Variants in FAM81B observed in about 807,000 individuals in gnomAD.
The protein encoded by FAM81B is family with sequence similarity 81 member B.
Under a neutral mutation model 58.7 loss-of-function variants are expected in FAM81B, and 60 were observed. The observed-to-expected ratio is 1.02, with a 90% CI of 0.83 to 1.27. FAM81B has a LOEUF of 1.27. Ranked by LOEUF, FAM81B falls within the 50% of genes most tolerant of loss-of-function variation. The pLI is 0.00. For missense variants in FAM81B, 491 were observed against 522.0 expected, an observed-to-expected ratio of 0.94 and a Z score of 0.58; for synonymous variants, 189 against 179.6, an observed-to-expected ratio of 1.05 and a Z score of -0.42.
At chr5:95,417,770 G>A (rs1326563546) in intron 4 of FAM81B, among the ~76,000 whole-genome samples, 1 of 152,114 alleles carries the variant, frequency 6.6e-6, no homozygotes, top group Non-Finnish European at 1.5e-5. Flanking sequence ...AGATGACACT[G>A]TACACAAAGA....
At chr5:95,422,809 A>G (rs1280423872) in intron 5 of FAM81B, among the ~76,000 whole-genome samples, 1 of 152,242 alleles carries the variant, frequency 6.6e-6, no homozygotes, top group Admixed American at 6.5e-5. Context: ...ATGGATCTCA[A>G]AGAAACTAAG....
At chr5:95,448,800 T>C (rs1396190942) in intron 9 of FAM81B, 2 of 443,938 alleles carry the variant, frequency 4.5e-6, no homozygotes, top group African/African-American at 4.1e-5. Context: ...CTTGTGGGTA[T>C]GTTATGAAAT....
intron 8 of FAM81B, 113 bp downstream of exon 8, chr5:95,446,810 A>T: frequency 7.1e-7 from 1 of 1,403,952 alleles, no homozygotes; most frequent in Non-Finnish European, 9.7e-7. Context: ...CTGCTTCAGT[A>T]ACTTTTTTTT....
intron 4 of FAM81B, 55 bp from the exon 5 acceptor site, chr5:95,420,224 ATGATG>A (rs1762641010): frequency 6.2e-7 from 1 of 1,605,278 alleles, no homozygotes; most frequent in East Asian, 2.2e-5. Context: ...CCTGCTTTAA[ATGATG>A]TTTCCTTATC....
At chr5:95,428,181 A>G (rs1337744379) in intron 5 of FAM81B, among the ~76,000 whole-genome samples, 1 of 152,194 alleles carries the variant, frequency 6.6e-6, no homozygotes, top group Admixed American at 6.5e-5. Context: ...GGGCCAAGAA[A>G]AGAGGATAAA....
chr5:95,412,813 G>C (rs1182956191), intron 3 of FAM81B, among the ~76,000 whole-genome samples: 1 of 152,096 alleles, frequency 6.6e-6, no homozygotes, highest in Non-Finnish European at 1.5e-5. Context: ...GATCCAACTG[G>C]GGCATGATGG....
At position 95,391,499 on chromosome 5, in the gene FAM81B, G is replaced by A. The variant is rs1311202075; in HGVS notation, c.110G>A (p.Ser37Asn). The A allele has an allele frequency of 6.2e-7, 1 of 1,613,450 alleles. No individual in the cohort carries two copies. Among genetic ancestry groups the A allele is most frequent in the Non-Finnish European group, 8.5e-7 (1 of 1,179,668 alleles). ...KSTKNKAGKA[S>N]IMSSDTNVNK... ...ACAAAAAATAAAGCTGGAAAAGCAA[G>A]CATCATGAGTTCAGGTACTTATGGA... is the stretch of plus-strand genomic sequence containing the variant. The change falls in exon 1 of 10, where the codon AGC becomes AAC. Residue 37 changes from serine (S) to asparagine (N), a missense_variant. By Grantham distance (46) the Ser-to-Asn change is conservative. Transcript: ENST00000283357.
At chr5:95,433,041 G>A (rs1417873836) in intron 6 of FAM81B, among the ~76,000 whole-genome samples, 1 of 152,008 alleles carries the variant, frequency 6.6e-6, no homozygotes, top group Non-Finnish European at 1.5e-5. Context: ...ATATCCCCCG[G>A]AGTTTAACAT....
chr5:95,410,589 C>A (rs1639507125), intron 3 of FAM81B, among the ~76,000 whole-genome samples: 1 of 152,018 alleles, frequency 6.6e-6, no homozygotes, highest in Non-Finnish European at 1.5e-5. Context: ...TTTTTATGAT[C>A]CAGCATATAT....
intron 6 of FAM81B, among the ~76,000 whole-genome samples, chr5:95,432,281 T>C (rs1235768487): frequency 6.6e-6 from 1 of 152,140 alleles, no homozygotes; most frequent in South Asian, 2.1e-4. Context: ...TGCAGGATAA[T>C]GTTTGCTGAC....
At chr5:95,447,186 A>G (rs1191162919) in intron 8 of FAM81B, among the ~76,000 whole-genome samples, 1 of 152,178 alleles carries the variant, frequency 6.6e-6, no homozygotes, top group Non-Finnish European at 1.5e-5. Context: ...TGAGAAATAT[A>G]CTTATTTCAG....
intron 7 of FAM81B, among the ~76,000 whole-genome samples, chr5:95,444,525 T>C (rs1745482009): frequency 6.6e-6 from 1 of 151,174 alleles, no homozygotes; most frequent in Non-Finnish European, 1.5e-5. Context: ...AATGAGGGAG[T>C]CTACGTATCC....
At chr5:95,400,435 C>CATATAT (rs10675531) in intron 3 of FAM81B, among the ~76,000 whole-genome samples, 1 of 143,404 alleles carries the variant, frequency 7.0e-6, no homozygotes, top group African/African-American at 2.7e-5. Flanking sequence ...TACATACATA[C>CATATAT]ACACACACAC....
chr5:95,398,598 C>T (rs1443682985), intron 3 of FAM81B, among the ~76,000 whole-genome samples: 1 of 152,122 alleles, frequency 6.6e-6, no homozygotes, highest in Non-Finnish European at 1.5e-5. Flanking sequence ...GGCCTTAAAA[C>T]CTATATGGGT....
At chr5:95,430,435 TTA>T (rs1491232401) in intron 6 of FAM81B, among the ~76,000 whole-genome samples, 1 of 138,862 alleles carries the variant, frequency 7.2e-6, no homozygotes, top group Non-Finnish European at 1.5e-5. Flanking sequence ...AGCTATGCTT[TTA>T]AAAAAAAAAA....
intron 2 of FAM81B, 146 bp from the exon 3 acceptor site, chr5:95,395,965 G>T: frequency 1.8e-6 from 1 of 558,998 alleles, no homozygotes. Context: ...GCAATACAAA[G>T]GGGACATGTG....
At chr5:95,447,885 A>G (rs1745640885) in intron 8 of FAM81B, among the ~76,000 whole-genome samples, 1 of 152,182 alleles carries the variant, frequency 6.6e-6, no homozygotes, top group Admixed American at 6.5e-5. Flanking sequence ...GATGTTACTA[A>G]ACGACTGGAA....
chr5:95,424,772 G>A (rs1762779830), intron 5 of FAM81B, among the ~76,000 whole-genome samples: 1 of 145,708 alleles, frequency 6.9e-6, no homozygotes, highest in South Asian at 2.2e-4. Context: ...AGAAACCACT[G>A]TAGTTTATTA....
chr5:95,428,873 A>G, intron 6 of FAM81B, 141 bp downstream of exon 6: 2 of 1,109,436 alleles, frequency 1.8e-6, no homozygotes, highest in Middle Eastern at 4.2e-4. Context: ...CAGCTCACTC[A>G]TATACGCCAT....
Sources: gnomAD v4.1 joint callset for allele counts (sites outside exome capture counted in the v4.1 genomes callset) on GRCh38, gnomAD v4.1.1 for gene constraint, MANE v1.5 for transcripts, NCBI Gene and HGNC (gene_info 2026-07-23, HGNC 2026-07-21) for gene names.